Variants in EIF2B5 observed in about 807,000 individuals in gnomAD.
EIF2B5 encodes the protein eukaryotic translation initiation factor 2B subunit epsilon.
Under a neutral mutation model 87.3 loss-of-function variants are expected in EIF2B5, and 38 were observed. The observed-to-expected ratio is 0.44, with a 90% CI of 0.34 to 0.57. EIF2B5 has a LOEUF of 0.57. Ranked by LOEUF, EIF2B5 falls within the 20% of genes least tolerant of loss-of-function variation. EIF2B5 has a pLI of 0.02. For synonymous variants in EIF2B5, 313 were observed against 339.6 expected, an observed-to-expected ratio of 0.92 and a Z score of 0.86; for missense variants, 784 against 909.5, an observed-to-expected ratio of 0.86 and a Z score of 1.78.
intron 7 of EIF2B5, 59 bp downstream of exon 7, chr3:184,140,789 C>T (rs1258060770): frequency 1.9e-6 from 3 of 1,586,286 alleles, no homozygotes; most frequent in African/African-American, 1.3e-5. Flanking sequence ...GGGGGGGCCA[C>T]GTCTCCAGAA....
chr3:184,135,401 G>A lies in EIF2B5; in HGVS notation c.16G>A (p.Val6Met). ...AGAGAAGAAGATGGCGGCCCCTGTA[G>A]TGGCGCCGCCTGGTGTGGTGGTTAG... is the stretch of plus-strand genomic sequence containing the variant. MAAPV[V>M]APPGVVVSRA... Residue 6 changes from valine (V) to methionine (M), a missense_variant, in exon 1 of 16, where the codon GTG (valine) becomes ATG (methionine). Physicochemically the swap from Val to Met is conservative, Grantham distance 21. This residue lies in a region of EIF2B5 where 117 missense variants were observed against 101.0 expected (regional missense o/e 1.16). Transcript: ENST00000648915. 1.3e-6 allele frequency: 2 copies of A among 1,580,548 alleles called. No individual in the cohort carries two copies. The highest frequency in any genetic ancestry group is 1.7e-6 in the Non-Finnish European group (2 of 1,164,834).
At chr3:184,143,418 G>C (rs371410870) in intron 12 of EIF2B5, 24 bp from the exon 13 acceptor site, 4 of 1,614,084 alleles carry the variant, frequency 2.5e-6, no homozygotes, top group Non-Finnish European at 3.4e-6. Context: ...TGAAGGCCCT[G>C]GTGTCACCCC....
rs1467002830 is a variant in EIF2B5, at chr3:184,137,786, A to G, written c.487A>G (p.Arg163Gly). The change falls in exon 3 of 16, where the codon AGA (arginine) becomes GGA (glycine). Residue 163 changes from arginine (R) to glycine (G), a missense_variant. This residue lies in a region of EIF2B5 where 660 missense variants were observed against 789.5 expected (regional missense o/e 0.84). Coordinates refer to ENST00000648915, the MANE Select transcript of EIF2B5 (RefSeq NM_003907.3). ...TGTCATCTCAAACATCAATATCACC[A>G]GAGCCCTTGAGGAACACAGGTCAGG... Reference protein sequence around the residue: ...GDVISNINITRALEEHRLRRK... With the variant: ...GDVISNINITGALEEHRLRRK... 9.9e-6 allele frequency: 16 copies of G among 1,614,134 alleles called. No homozygotes were observed. The highest frequency in any genetic ancestry group is 1.3e-5 in the African/African-American group (1 of 74,954).
Position 184,140,424 on chromosome 3 carries a change from G to A in EIF2B5, c.850G>A (p.Gly284Arg), listed in dbSNP as rs1713574683. ...RGLLVNEEIL[G>R]NQIHMHVTAK... ...CCCTTTCCTTCTCATTCAGATCCTA[G>A]GGAACCAGATCCACATGCACGTAAC... is the stretch of plus-strand genomic sequence containing the variant. The change falls in exon 7 of 16, where the codon GGG (glycine) becomes AGG (arginine). Residue 284 changes from glycine (G) to arginine (R), a missense_variant. Physicochemically the swap from Gly to Arg is moderately radical, Grantham distance 125 (BLOSUM62 -2). Transcript: ENST00000648915. The A allele has an allele frequency of 6.2e-7, 1 of 1,613,946 alleles. No homozygotes were observed. Among genetic ancestry groups the A allele is most frequent in the South Asian group, 1.1e-5 (1 of 91,072 alleles).
At chr3:184,141,872 T>G in intron 7 of EIF2B5, 53 bp from the exon 8 acceptor site, 1 of 1,612,032 alleles carries the variant, frequency 6.2e-7, no homozygotes, top group Non-Finnish European at 8.5e-7. Flanking sequence ...TGAAGGGCTC[T>G]GCTCTGCGGT....
intron 5 of EIF2B5, among the ~76,000 whole-genome samples, chr3:184,138,597 T>C (rs1048007964): frequency 5.9e-5 from 9 of 152,022 alleles, no homozygotes; most frequent in Admixed American, 4.6e-4. Flanking sequence ...TCAAGTGATC[T>C]ACCTGTCTCA....
At position 184,136,683 on chromosome 3, in the gene EIF2B5, G is replaced by C; in HGVS notation, c.267G>C (p.Gln89His). 5 of 1,614,170 alleles carry C rather than the reference G, an allele frequency of 3.1e-6. No individual in the cohort carries two copies. Among genetic ancestry groups the C allele is most frequent in the Non-Finnish European group, 4.2e-6 (5 of 1,180,026 alleles). The change falls in exon 2 of 16, where the codon CAG (glutamine) becomes CAC (histidine). Residue 89 changes from glutamine (Q) to histidine (H), a missense_variant. By Grantham distance (24) the Gln-to-His change is conservative. Around this residue, in one of 3 missense-constraint regions of EIF2B5, gnomAD observed 660 missense variants for 789.5 expected, o/e 0.84. Transcript: ENST00000648915. ...AATTCCTGACTGCCACAGGTGTACA[G>C]GAAACATTTGTCTTTTGTTGCTGGA... is the stretch of plus-strand genomic sequence containing the variant. ...TLEFLTATGV[Q>H]ETFVFCCWKA...
intron 5 of EIF2B5, 83 bp downstream of exon 5, chr3:184,138,329 T>C (rs1327405911): frequency 1.7e-6 from 2 of 1,190,954 alleles, no homozygotes; most frequent in Non-Finnish European, 2.5e-6. Flanking sequence ...GGCCAGGGTA[T>C]ATTTCTTCTC....
Position 184,135,484 on chromosome 3 carries a change from A to T in EIF2B5, c.99A>T (p.Arg33Ser). The T allele has an allele frequency of 3.2e-6, 5 of 1,579,704 alleles. No individual in the cohort carries two copies. The highest frequency in any genetic ancestry group is 4.3e-6 in the Non-Finnish European group (5 of 1,163,776). The change falls in exon 1 of 16, where the codon AGA becomes AGT. Residue 33 changes from arginine (R) to serine (S), a missense_variant. This residue lies in a region of EIF2B5 where 117 missense variants were observed against 101.0 expected (regional missense o/e 1.16). Transcript: ENST00000648915. The stretch of plus-strand genomic sequence containing the variant: ...GAGGCAGCGGTGGCGGGGGAGCCAG[A>T]GGGGCGGAGGAGGAACCGCCGCCGC... ...GPGGSGGGGA[R>S]GAEEEPPPPL...
chr3:184,142,721 T>C lies in EIF2B5; in HGVS notation c.1547-58T>C. ...TTTATTCAGGCAGACAGGGCAGGTA[T>C]ATTGCTCTCTGTCAATGACTCTTTT... On this transcript the variant is annotated intron_variant, in intron 10 of 15. Transcript: ENST00000648915. This position sits in a 1 kb window ranked among gnomAD's most constrained non-coding sequence, Gnocchi z 5.0. 2 of 1,565,074 alleles carry C rather than the reference T, an allele frequency of 1.3e-6. No homozygotes were observed. Among genetic ancestry groups the C allele is most frequent in the African/African-American group, 1.4e-5 (1 of 74,036 alleles).
rs771810132 is a variant in EIF2B5 at position 184,137,764 on chromosome 3, C to T, written c.465C>T (p.Val155=). The T allele has an allele frequency of 6.2e-7, 1 of 1,614,166 alleles. No individual in the cohort carries two copies. The highest frequency in any genetic ancestry group is 8.5e-7 in the Non-Finnish European group (1 of 1,180,022). ...ACTTTCTTCTGGTGTATGGGGATGT[C>T]ATCTCAAACATCAATATCACCAGAG... ...RSDFLLVYGD[V]ISNINITRAL... is the part of the protein sequence containing the mutation. Residue 155 remains valine (V), a synonymous_variant, in exon 3 of 16, where the codon GTC becomes GTT. Coordinates refer to ENST00000648915, the MANE Select transcript of EIF2B5 (RefSeq NM_003907.3).
chr3:184,141,809 G>A, intron 7 of EIF2B5, 116 bp from the exon 8 acceptor site: 2 of 1,349,842 alleles, frequency 1.5e-6, no homozygotes, highest in South Asian at 1.2e-5. Flanking sequence ...TTGCGGGATG[G>A]GGAATGAGAG....
At chr3:184,140,894 C>A in intron 7 of EIF2B5, 164 bp downstream of exon 7, 1 of 772,652 alleles carries the variant, frequency 1.3e-6, no homozygotes, top group Non-Finnish European at 2.1e-6. Flanking sequence ...TTGAAAACAG[C>A]GATACCTTAA....
rs772036298 is a variant in EIF2B5, at chr3:184,142,096, A to G, written c.1302+26A>G. 1 of 1,614,156 alleles carries G rather than the reference A, an allele frequency of 6.2e-7. No individual in the cohort carries two copies. Among genetic ancestry groups the G allele is most frequent in the South Asian group, 1.1e-5 (1 of 91,050 alleles). ...GTGAGACCTGATCTATACTGTGCAC[A>G]GGCCCTGAATTGCATGGCAGTCACA... On this transcript the variant is annotated intron_variant, in intron 8 of 15. Coordinates refer to ENST00000648915, the MANE Select transcript of EIF2B5 (RefSeq NM_003907.3). The surrounding 1 kb of genome is among the most constrained non-coding windows in gnomAD (Gnocchi z 5.0).
At chr3:184,139,561 A>G (rs55704387) in intron 5 of EIF2B5, among the ~76,000 whole-genome samples, 43,233 of 148,866 alleles carry the variant, frequency 0.29, 6,670 homozygotes, top group East Asian at 0.41. Flanking sequence ...CATTACGGGC[A>G]TGAGCCACTG....
rs1434059701 is a variant in EIF2B5 at position 184,135,501 on chromosome 3, C to G, written c.116C>G (p.Pro39Arg). The stretch of plus-strand genomic sequence containing the variant: ...GGAGCCAGAGGGGCGGAGGAGGAAC[C>G]GCCGCCGCCCCTACAAGCAGTTCTG... Reference protein sequence around the residue: ...GGGARGAEEEPPPPLQAVLVA... With the variant: ...GGGARGAEEERPPPLQAVLVA... The change falls in exon 1 of 16, where the codon CCG becomes CGG. Residue 39 changes from proline (P) to arginine (R), a missense_variant. This residue lies in a region of EIF2B5 where 117 missense variants were observed against 101.0 expected (regional missense o/e 1.16). Transcript: ENST00000648915. The G allele has an allele frequency of 3.7e-5, 58 of 1,580,432 alleles. No individual in the cohort carries two copies. The highest frequency in any genetic ancestry group is 4.6e-5 in the Non-Finnish European group (53 of 1,164,412).
rs1218749359 is a variant in EIF2B5, at chr3:184,135,545, C to T, written c.160C>T (p.Arg54Cys). 6.3e-6 allele frequency: 10 copies of T among 1,591,036 alleles called. No homozygotes were observed. The highest frequency in any genetic ancestry group is 7.7e-6 in the Non-Finnish European group (9 of 1,169,890). The part of the protein sequence containing the change: ...QAVLVADSFD[R>C]RFFPISKDQP... ...AGTTCTGGTGGCCGATAGCTTCGAT[C>T]GCCGCTTCTTCCCCATCTCCAAGGA... The change falls in exon 1 of 16, where the codon CGC becomes TGC. Residue 54 changes from arginine to cysteine, a missense_variant. Around this residue, in one of 3 missense-constraint regions of EIF2B5, gnomAD observed 117 missense variants for 101.0 expected, o/e 1.16. Coordinates refer to ENST00000648915, the MANE Select transcript of EIF2B5 (RefSeq NM_003907.3).
At chr3:184,144,516 A>T in intron 14 of EIF2B5, 81 bp from the exon 15 acceptor site, 2 of 1,293,526 alleles carry the variant, frequency 1.5e-6, no homozygotes, top group Non-Finnish European at 2.2e-6. Context: ...TACTCAGTGC[A>T]TAGAGGGATC....
At position 184,137,696 on chromosome 3, in the gene EIF2B5, G is replaced by C; in HGVS notation, c.397G>C (p.Asp133His). The part of the protein sequence containing the change: ...ITSELYRSLG[D>H]VLRDVDAKAL... Reference sequence around the variant, plus strand: ...ATCAGAGCTCTATCGATCACTGGGAGATGTCCTCCGTGATGTTGATGCCAA... The same window carrying C: ...ATCAGAGCTCTATCGATCACTGGGACATGTCCTCCGTGATGTTGATGCCAA... Residue 133 changes from aspartate to histidine, a missense_variant, in exon 3 of 16, where the codon GAT (aspartate) becomes CAT (histidine). Coordinates refer to ENST00000648915, the MANE Select transcript of EIF2B5 (RefSeq NM_003907.3). The C allele has an allele frequency of 6.2e-7, 1 of 1,614,220 alleles. No individual in the cohort carries two copies. The highest frequency in any genetic ancestry group is 8.5e-7 in the Non-Finnish European group (1 of 1,180,030).
Sources: allele counts gnomAD v4.1 joint callset (sites outside exome capture counted in the v4.1 genomes callset), GRCh38; gene constraint gnomAD v4.1.1; regional missense constraint gnomAD v4.1.1; non-coding constraint Gnocchi (gnomAD v3.1); transcripts MANE v1.5; gene names NCBI Gene and HGNC (gene_info 2026-07-23, HGNC 2026-07-21).